The following NFE2L3 variants were observed in gnomAD, a reference collection of about 807,000 sequenced individuals.
The protein encoded by NFE2L3 is nuclear factor erythroid 2-related factor 3.
A neutral mutation model predicts 23.5 loss-of-function variants in NFE2L3; 18 were observed. That is an observed-to-expected ratio of 0.77 (90% CI 0.53 to 1.13). The LOEUF (loss-of-function observed/expected upper bound fraction) is 1.13. Ranked by LOEUF, NFE2L3 falls within the 50% of genes most tolerant of loss-of-function variation. NFE2L3 has a pLI of 0.00. For missense variants in NFE2L3, 1,152 were observed against 877.2 expected (o/e 1.31, Z -3.96); for synonymous variants, 424 against 354.5 (o/e 1.20, Z -2.20).
rs770763175 is a variant in NFE2L3, at chr7:26,184,942, C to T, written c.1244C>T (p.Pro415Leu). 6.2e-7 allele frequency: 1 copy of T among 1,613,874 alleles called. No homozygotes were observed. The highest frequency in any genetic ancestry group is 8.5e-7 in the Non-Finnish European group (1 of 1,179,840). ...PIDVSQLFDE[P>L]DSDSGLSLDS... The stretch of plus-strand genomic sequence containing the variant: ...GATGTTTCTCAGCTTTTTGATGAAC[C>T]AGATTCTGATTCTGGCCTTTCTTTA... Residue 415 changes from proline (P) to leucine (L), a missense_variant, in exon 4 of 4, where the codon CCA (proline) becomes CTA (leucine). Transcript: ENST00000056233.
intron 2 of NFE2L3, 68 bp downstream of exon 2, chr7:26,178,190 T>C: frequency 7.2e-7 from 1 of 1,392,348 alleles, no homozygotes; most frequent in Non-Finnish European, 9.9e-7. Context: ...CATTGACAGT[T>C]TGTGTCAAGA....
chr7:26,160,563 C>T (rs181244770), intron 1 of NFE2L3, among the ~76,000 whole-genome samples: 110 of 152,226 alleles, frequency 7.2e-4, no homozygotes, highest in Non-Finnish European at 1.3e-3. Flanking sequence ...CTAGGGCACC[C>T]AGAAACTCTG....
intron 2 of NFE2L3, among the ~76,000 whole-genome samples, chr7:26,182,123 A>AAGTC (rs1233753884): frequency 6.6e-6 from 1 of 152,230 alleles, no homozygotes; most frequent in East Asian, 1.9e-4. Flanking sequence ...AAAACAAATT[A>AAGTC]AGTCCTAGAC....
At chr7:26,178,976 GACCCTTC>G (rs1230376491) in intron 2 of NFE2L3, among the ~76,000 whole-genome samples, 3 of 152,098 alleles carry the variant, frequency 2.0e-5, no homozygotes, top group African/African-American at 7.2e-5. Flanking sequence ...ACCATGCCCT[GACCCTTC>G]TCAGACAGCT....
At chr7:26,183,923 T>C in intron 3 of NFE2L3, 139 bp downstream of exon 3, 1 of 626,138 alleles carries the variant, frequency 1.6e-6, no homozygotes, top group East Asian at 2.7e-5. Context: ...AGCTTAGAAT[T>C]AACCAAATAT....
chr7:26,184,241 T>TCC, intron 3 of NFE2L3: 2 of 379,800 alleles, frequency 5.3e-6, no homozygotes, highest in South Asian at 3.6e-5. Context: ...TTGCATCTTA[T>TCC]TATAAAGTAG....
chr7:26,168,042 C>T (rs1784276863), intron 1 of NFE2L3, among the ~76,000 whole-genome samples: 1 of 152,080 alleles, frequency 6.6e-6, no homozygotes, highest in African/African-American at 2.4e-5. Context: ...AAGTAGTATA[C>T]ACTGAACCCA....
chr7:26,183,870 ACAC>A lies in NFE2L3; in HGVS notation c.834+87_834+89del, dbSNP rs764287110. 2.5e-5 allele frequency: 22 copies of A among 881,742 alleles called. No homozygotes were observed. In the East Asian group the frequency reaches 4.8e-4, roughly 19 times the overall value. 54.6% of individuals were successfully genotyped at this position (881,742 alleles called of 1,614,324 possible). A position where few individuals can be genotyped will look rare whatever the true frequency, so the allele number is the denominator to read the frequency against. ...CAAATACAACTCCTTTACTTGGATG[ACAC>A]AGCAGTTTAAAGTAATGCTTATTTT... On this transcript the variant is annotated intron_variant, in intron 3 of 3. Transcript: ENST00000056233.
In NFE2L3 at chr7:26,178,128, C is replaced by G; in HGVS notation, c.750+6C>G. ...CCACTGAATCTAGAAATGAGGTAAGCCTGTCAGAATATTCAAGCCTTGCCG... is the reference window on the plus strand; with the variant it reads ...CCACTGAATCTAGAAATGAGGTAAGGCTGTCAGAATATTCAAGCCTTGCCG... On this transcript the variant is annotated splice_donor_region_variant and intron_variant, in intron 2 of 3. Coordinates refer to ENST00000056233, the MANE Select transcript of NFE2L3 (RefSeq NM_004289.7). 6.2e-7 allele frequency: 1 copy of G among 1,608,168 alleles called. No homozygotes were observed. The highest frequency in any genetic ancestry group is 8.5e-7 in the Non-Finnish European group (1 of 1,177,520).
chr7:26,179,197 A>G (rs1371460053), intron 2 of NFE2L3, among the ~76,000 whole-genome samples: 4 of 152,012 alleles, frequency 2.6e-5, no homozygotes, highest in Non-Finnish European at 5.9e-5. Context: ...CAGTGCAGCA[A>G]TTGATAAGAA....
chr7:26,180,409 ATTTCCTAATTAATGGATGCATTGTAT>A (rs1387993783), intron 2 of NFE2L3, among the ~76,000 whole-genome samples: 1 of 151,912 alleles, frequency 6.6e-6, no homozygotes, highest in Non-Finnish European at 1.5e-5. Context: ...TGACTTATCT[ATTTCCTAATTAATGGATGCATTGTAT>A]GGTTTTACCA....
intron 2 of NFE2L3, among the ~76,000 whole-genome samples, chr7:26,182,688 A>AATTC (rs1782342695): frequency 6.6e-6 from 1 of 151,936 alleles, no homozygotes; most frequent in South Asian, 2.1e-4. Context: ...AAGAACTCTG[A>AATTC]AGAGTTCTTT....
rs1325854620 is a variant in NFE2L3 at position 26,176,140 on chromosome 7, T to A, written c.571-1803T>A. On this transcript the variant is annotated intron_variant, in intron 1 of 3. Transcript: ENST00000056233. ...GCCCTTAATCCATTTAACCCTGAGT[T>A]GACACAGCACATGTTTCAGAGAGCA... Among the ~76,000 whole-genome samples, 16 of 152,104 alleles carry A rather than the reference T, an allele frequency of 1.1e-4. 1 individual carries two copies. The highest frequency in any genetic ancestry group is 7.9e-4 in the Admixed American group (12 of 15,264).
Position 26,185,604 on chromosome 7 carries a change from CAG to C in NFE2L3, c.1908_1909del (p.Lys637ThrfsTer3), listed in dbSNP as rs888207818. 126 of 1,613,786 alleles carry C rather than the reference CAG, an allele frequency of 7.8e-5. 1 individual carries two copies. Among genetic ancestry groups the C allele is most frequent in the East Asian group, 3.1e-4 (14 of 44,886 alleles). On this transcript the variant is annotated frameshift_variant, in exon 4 of 4. Transcript: ENST00000056233. LOFTEE classifies it high-confidence loss of function. ...QCNKAINIMKQKLHDLYHDIF... is the reference protein window; with the variant it reads ...QCNKAINIMKXKLHDLYHDIF... ...TAACAAAGCTATTAACATAATGAAA[CAG>C]AAACTGCATGACCTTTATCATGATA...
chr7:26,176,004 G>A lies in NFE2L3; in HGVS notation c.571-1939G>A, dbSNP rs1395918337. Among the ~76,000 whole-genome samples the A allele has an allele frequency of 2.6e-5, 4 of 151,910 alleles. No homozygotes were observed. The South Asian group carries it at 6.2e-4, about 24-fold the overall frequency. ...CTGGTTTTCCTAGGCAGAGGTCCCT[G>A]TGGCCTTCCGCAGTGTTTGTGTCCC... On this transcript the variant is annotated intron_variant, in intron 1 of 3. Transcript: ENST00000056233.
intron 1 of NFE2L3, among the ~76,000 whole-genome samples, chr7:26,172,481 CA>C (rs1200278712): frequency 6.6e-6 from 1 of 152,170 alleles, no homozygotes; most frequent in African/African-American, 2.4e-5. Context: ...ACCCAGTTAT[CA>C]AATCAGGACA....
At chr7:26,154,307 T>C (rs768964390) in intron 1 of NFE2L3, among the ~76,000 whole-genome samples, 61 of 152,202 alleles carry the variant, frequency 4.0e-4, no homozygotes, top group Non-Finnish European at 8.2e-4. Flanking sequence ...CTGTCTCACC[T>C]AAATGCTCTG....
intron 1 of NFE2L3, among the ~76,000 whole-genome samples, chr7:26,163,212 T>C (rs1005386681): frequency 8.5e-5 from 13 of 152,332 alleles, no homozygotes; most frequent in Non-Finnish European, 1.2e-4. Flanking sequence ...CAAGCATTGT[T>C]CCTTTCTTAC....
intron 1 of NFE2L3, among the ~76,000 whole-genome samples, chr7:26,166,808 C>T (rs1784258149): frequency 6.6e-6 from 1 of 152,208 alleles, no homozygotes; most frequent in Non-Finnish European, 1.5e-5. Flanking sequence ...CCTCAGAGTG[C>T]TTTGGCCTTA....
Sources: allele counts gnomAD v4.1 joint callset (sites outside exome capture counted in the v4.1 genomes callset), GRCh38; gene constraint gnomAD v4.1.1; transcripts MANE v1.5; gene names NCBI Gene and HGNC (gene_info 2026-07-23, HGNC 2026-07-21).